Variants in DPYD observed in about 807,000 individuals in gnomAD.
The protein encoded by DPYD is dihydropyrimidine dehydrogenase [NADP(+)].
In DPYD, 109 loss-of-function variants were observed where a neutral mutation model predicts 116.2. The ratio of observed to expected loss-of-function variants is 0.94; its 90% CI spans 0.80 to 1.10. DPYD has a LOEUF of 1.10. Among genes scored for constraint, DPYD ranks in the 50% least tolerant of loss-of-function variants. The pLI is 0.00. For synonymous variants in DPYD, 440 were observed against 432.0 expected, an observed-to-expected ratio of 1.02 and a Z score of -0.23; for missense variants, 1,302 against 1,254.5, an observed-to-expected ratio of 1.04 and a Z score of -0.57.
chr1:97,582,699 G>C (rs1174785460), intron 10 of DPYD, among the ~76,000 whole-genome samples: 1 of 152,102 alleles, frequency 6.6e-6, no homozygotes, highest in Non-Finnish European at 1.5e-5. Flanking sequence ...TGGTATTACA[G>C]GCTTCATTCA....
chr1:97,243,167 A>G (rs889852197), intron 18 of DPYD, among the ~76,000 whole-genome samples: 1 of 151,900 alleles, frequency 6.6e-6, no homozygotes. Flanking sequence ...TTTCTCTTCC[A>G]ATTCAAAATC....
chr1:97,887,976 C>T (rs112160725), intron 1 of DPYD, among the ~76,000 whole-genome samples: 2,837 of 152,120 alleles, frequency 0.019, 42 homozygotes, highest in South Asian at 0.027. Context: ...AGTTCCCTCA[C>T]GCCTCCCCAG....
chr1:97,411,319 C>G (rs759588221), intron 14 of DPYD, among the ~76,000 whole-genome samples: 1 of 152,086 alleles, frequency 6.6e-6, no homozygotes, highest in Non-Finnish European at 1.5e-5. Context: ...GTGTACTATT[C>G]CTGCACAAAT....
chr1:97,857,503 G>A (rs1269220334), intron 2 of DPYD, among the ~76,000 whole-genome samples: 4 of 152,094 alleles, frequency 2.6e-5, no homozygotes, highest in East Asian at 3.9e-4. Flanking sequence ...AATCAGTCAC[G>A]CCTATGTAAT....
chr1:97,207,790 T>G (rs1659746304), intron 19 of DPYD, among the ~76,000 whole-genome samples: 1 of 152,150 alleles, frequency 6.6e-6, no homozygotes, highest in Non-Finnish European at 1.5e-5. Flanking sequence ...TTATCTAATT[T>G]TTTTGGGTTT....
At chr1:97,177,615 T>C (rs1657381413) in intron 20 of DPYD, among the ~76,000 whole-genome samples, 1 of 151,694 alleles carries the variant, frequency 6.6e-6, no homozygotes, top group African/African-American at 2.4e-5. Context: ...TCCTAACTTT[T>C]TGGATCAGGA....
At chr1:97,837,617 C>A (rs1052208225) in intron 2 of DPYD, among the ~76,000 whole-genome samples, 1 of 151,982 alleles carries the variant, frequency 6.6e-6, no homozygotes, top group African/African-American at 2.4e-5. Context: ...TCTAAAACAC[C>A]AGACAGTTAT....
intron 20 of DPYD, among the ~76,000 whole-genome samples, chr1:97,186,087 C>A (rs1657977366): frequency 6.6e-6 from 1 of 152,080 alleles, no homozygotes; most frequent in Non-Finnish European, 1.5e-5. Context: ...TGGTAAGGGT[C>A]TTGCTGTTGA....
chr1:97,897,728 C>T (rs1165821453), intron 1 of DPYD, among the ~76,000 whole-genome samples: 1 of 151,842 alleles, frequency 6.6e-6, no homozygotes, highest in African/African-American at 2.4e-5. Flanking sequence ...ATTTTGCACA[C>T]CTCTACTTCA....
intron 19 of DPYD, among the ~76,000 whole-genome samples, chr1:97,194,622 T>C (rs1328496491): frequency 2.6e-5 from 4 of 151,958 alleles, no homozygotes; most frequent in African/African-American, 9.7e-5. Flanking sequence ...CTCCTGCCTC[T>C]GCCTCTCGAG....
intron 14 of DPYD, among the ~76,000 whole-genome samples, chr1:97,417,495 T>C (rs1179757738): frequency 6.6e-6 from 1 of 152,146 alleles, no homozygotes; most frequent in Admixed American, 6.6e-5. Context: ...AATAACATAC[T>C]CTAATATATG....
chr1:97,265,293 C>G (rs2100867078), intron 18 of DPYD: 1 of 152,228 alleles, frequency 6.6e-6, no homozygotes. Flanking sequence ...TTCTCTGACC[C>G]CTAATCTAAA....
At chr1:97,713,854 T>C (rs1430521569) in intron 5 of DPYD, among the ~76,000 whole-genome samples, 1 of 152,130 alleles carries the variant, frequency 6.6e-6, no homozygotes, top group African/African-American at 2.4e-5. Context: ...AGAAGTAGTA[T>C]AGAGAAATCC....
At chr1:97,449,602 A>C (rs1032031608) in intron 14 of DPYD, among the ~76,000 whole-genome samples, 1 of 152,208 alleles carries the variant, frequency 6.6e-6, no homozygotes, top group African/African-American at 2.4e-5. Flanking sequence ...TAGTTGACTA[A>C]TTTAGTATAG....
chr1:97,352,002 T>G (rs993528597), intron 16 of DPYD, among the ~76,000 whole-genome samples: 2 of 152,214 alleles, frequency 1.3e-5, no homozygotes, highest in African/African-American at 4.8e-5. Flanking sequence ...TATTTTTATT[T>G]CATTTTGAGT....
chr1:97,408,550 G>A (rs946293623), intron 14 of DPYD, among the ~76,000 whole-genome samples: 4 of 152,094 alleles, frequency 2.6e-5, no homozygotes, highest in African/African-American at 9.7e-5. Context: ...GTCTTTATTT[G>A]GAGATTATGT....
intron 3 of DPYD, among the ~76,000 whole-genome samples, chr1:97,770,070 T>C (rs1666063598): frequency 6.6e-6 from 1 of 152,228 alleles, no homozygotes; most frequent in African/African-American, 2.4e-5. Flanking sequence ...AAGGGCATTT[T>C]GGCAGAAGGA....
At chr1:97,192,345 C>CT (rs35600758) in intron 20 of DPYD, among the ~76,000 whole-genome samples, 14,472 of 151,346 alleles carry the variant, frequency 0.096, 860 homozygotes, top group East Asian at 0.2. Flanking sequence ...TACTGCCTCT[C>CT]TTTTTTTTAA....
At chr1:97,304,855 T>A (rs923301207) in intron 18 of DPYD, among the ~76,000 whole-genome samples, 1 of 151,642 alleles carries the variant, frequency 6.6e-6, no homozygotes. Flanking sequence ...TGGGACAAGG[T>A]TTTTGAAGAA....
Sources: allele counts gnomAD v4.1 joint callset (sites outside exome capture counted in the v4.1 genomes callset), GRCh38; gene constraint gnomAD v4.1.1; transcripts MANE v1.5; gene names NCBI Gene and HGNC (gene_info 2026-07-23, HGNC 2026-07-21).